AAMDC: variants seen among roughly 807,000 people sequenced by gnomAD.
AAMDC encodes the protein adipogenesis associated Mth938 domain containing.
Under a neutral mutation model 15.5 loss-of-function variants are expected in AAMDC, and 16 were observed. The ratio of observed to expected loss-of-function variants is 1.03; its 90% confidence interval spans 0.70 to 1.57. The LOEUF is 1.57. AAMDC is among the 40% of genes most tolerant of loss of function. The probability of loss-of-function intolerance (pLI) is 0.00; values close to 1 mark genes in which losing one functional copy is unlikely to be tolerated. For missense variants in AAMDC, 141 were observed against 144.9 expected (o/e 0.97, Z 0.14); for synonymous variants, 51 against 51.6 (o/e 0.99, Z 0.05).
At chr11:77,867,658 A>G (rs1439332266) in intron 2 of AAMDC, among the ~76,000 whole-genome samples, 1 of 152,242 alleles carries the variant, frequency 6.6e-6, no homozygotes, top group Non-Finnish European at 1.5e-5. Context: ...GTCCTTGTGC[A>G]GAAACATAAC....
rs146059378 is a variant in AAMDC, at chr11:77,856,968, T to C, written c.133-12754T>C. Among the ~76,000 whole-genome samples, 15 of 152,324 alleles carry C rather than the reference T, an allele frequency of 9.8e-5. No homozygotes were observed. In the East Asian group the frequency reaches 2.9e-3, roughly 29 times the overall value. On this transcript the variant is annotated intron_variant, in intron 2 of 3. Coordinates refer to ENST00000393427, the MANE Select transcript of AAMDC (RefSeq NM_024684.4). The stretch of plus-strand genomic sequence containing the variant: ...GACAGACTGGTGATTTCTCAGAGCA[T>C]GTTAGAATCCTTCATTTAAACTCAA...
intron 2 of AAMDC, among the ~76,000 whole-genome samples, chr11:77,852,290 T>C (rs1211869234): frequency 7.0e-6 from 1 of 143,708 alleles, no homozygotes. Flanking sequence ...GTCACTGAAA[T>C]TAATGATCAT....
At chr11:77,858,409 G>A (rs1049587345) in intron 2 of AAMDC, among the ~76,000 whole-genome samples, 5 of 148,180 alleles carry the variant, frequency 3.4e-5, no homozygotes, top group East Asian at 2.0e-4. Flanking sequence ...TTGCCGGCTC[G>A]AATGCCTGCT....
intron 1 of AAMDC, among the ~76,000 whole-genome samples, chr11:77,822,403 A>C (rs1219883224): frequency 2.9e-5 from 4 of 139,744 alleles, no homozygotes; most frequent in Non-Finnish European, 6.1e-5. Flanking sequence ...CGACAGAGCA[A>C]GACTCCACCT....
At chr11:77,874,897 C>T (rs1463564798), downstream of AAMDC, among the ~76,000 whole-genome samples, 1 of 152,082 alleles carries the variant, frequency 6.6e-6, no homozygotes, top group East Asian at 1.9e-4. Flanking sequence ...ATTAGCCAGG[C>T]GTGGTGGCAC....
At chr11:77,858,870 C>T (rs1415053031) in intron 2 of AAMDC, among the ~76,000 whole-genome samples, 3 of 152,136 alleles carry the variant, frequency 2.0e-5, no homozygotes, top group Non-Finnish European at 2.9e-5. Context: ...TTTACAGCTT[C>T]GATTCTGGAA....
intron 2 of AAMDC, among the ~76,000 whole-genome samples, chr11:77,853,948 TAAAC>T (rs1367572040): frequency 1.3e-5 from 2 of 149,716 alleles, no homozygotes; most frequent in African/African-American, 2.5e-5. Flanking sequence ...CTCAAAAAAA[TAAAC>T]AAATAAATAC....
chr11:77,862,230 A>G (rs181267223), intron 2 of AAMDC, among the ~76,000 whole-genome samples: 22 of 152,238 alleles, frequency 1.4e-4, no homozygotes, highest in Non-Finnish European at 2.8e-4. Flanking sequence ...TTGTCATCCT[A>G]TCATTGACCT....
chr11:77,870,189 T>A (rs1206115959), intron 3 of AAMDC: 1 of 151,650 alleles, frequency 6.6e-6, no homozygotes, highest in Admixed American at 6.6e-5. Flanking sequence ...ATTTAATTTT[T>A]TTTTTTTTTA....
intron 2 of AAMDC, among the ~76,000 whole-genome samples, chr11:77,863,771 C>T (rs1950987973): frequency 6.6e-6 from 1 of 151,490 alleles, no homozygotes; most frequent in South Asian, 2.1e-4. Flanking sequence ...TGCCTCAGCC[C>T]CTCAAAGCAC....
chr11:77,840,810 T>C (rs145188468), intron 1 of AAMDC, among the ~76,000 whole-genome samples: 1 of 152,232 alleles, frequency 6.6e-6, no homozygotes, highest in East Asian at 1.9e-4. Context: ...TAACATATTG[T>C]AGGACAGTGT....
intron 1 of AAMDC, 53 bp from the exon 2 acceptor site, chr11:77,842,426 C>A: frequency 6.5e-7 from 1 of 1,527,368 alleles, no homozygotes; most frequent in Non-Finnish European, 8.9e-7. Context: ...TATTTTCAAA[C>A]TGTTTCAGCC....
intron 5 of AAMDC, among the ~76,000 whole-genome samples, chr11:77,878,370 A>G (rs993341588): frequency 2.0e-5 from 3 of 152,126 alleles, no homozygotes; most frequent in African/African-American, 7.2e-5. Context: ...TCAAAAAAAA[A>G]AAAAAAATTT....
At position 77,832,961 on chromosome 11, in the gene AAMDC, G is replaced by A. The variant is rs898344500; in HGVS notation, c.-18-9518G>A. 9.7e-4 allele frequency among the ~76,000 whole-genome samples: 21 copies of A among 21,682 alleles called. 1 individual carries two copies. Among genetic ancestry groups the A allele is most frequent in the African/African-American group, 7.7e-3 (21 of 2,720 alleles). The allele number at this position is 21,682 out of a possible 152,430, so 14.2% of individuals were successfully genotyped here. A position where few individuals can be genotyped will look rare whatever the true frequency, so the allele number is the denominator to read the frequency against. On this transcript the variant is annotated intron_variant, in intron 1 of 3. Coordinates refer to ENST00000393427, the MANE Select transcript of AAMDC (RefSeq NM_024684.4). ...TTATTGTATATATATATGTGTGTGTGTGTGTGTGTGTGTGTGTGTGTGTGT... is the reference window on the plus strand; with the variant it reads ...TTATTGTATATATATATGTGTGTGTATGTGTGTGTGTGTGTGTGTGTGTGT...
downstream of AAMDC, chr11:77,901,272 T>A (rs1053595299): frequency 1.2e-6 from 1 of 842,104 alleles, no homozygotes; most frequent in African/African-American, 1.7e-5. Context: ...ATTTGTAATA[T>A]CTGAAAAAAA....
At chr11:77,859,414 G>A (rs1373220671) in intron 2 of AAMDC, among the ~76,000 whole-genome samples, 1 of 152,160 alleles carries the variant, frequency 6.6e-6, no homozygotes, top group South Asian at 2.1e-4. Flanking sequence ...ATGGCTTCCT[G>A]ATGTTTGATA....
At chr11:77,868,396 T>C (rs548715701) in intron 2 of AAMDC, among the ~76,000 whole-genome samples, 17 of 141,188 alleles carry the variant, frequency 1.2e-4, no homozygotes, top group South Asian at 2.3e-4. Context: ...CTTGGTCTTG[T>C]TGCCCAGGCT....
At chr11:77,852,224 CAAAAA>C (rs545742213) in intron 2 of AAMDC, among the ~76,000 whole-genome samples, 2 of 33,530 alleles carry the variant, frequency 6.0e-5, no homozygotes, top group African/African-American at 1.8e-4. Flanking sequence ...GACACTGTCT[CAAAAA>C]AAAAAAAAAA....
chr11:77,872,388 C>T, downstream of AAMDC: 1 of 1,515,900 alleles, frequency 6.6e-7, no homozygotes, highest in Non-Finnish European at 8.8e-7. Context: ...TCCAAACCAG[C>T]CTCCCCTAAA....
Sources: allele counts gnomAD v4.1 joint callset (sites outside exome capture counted in the v4.1 genomes callset), GRCh38; gene constraint gnomAD v4.1.1; transcripts MANE v1.5; gene names NCBI Gene and HGNC (gene_info 2026-07-23, HGNC 2026-07-21).